ZNF506: variants seen among roughly 807,000 people sequenced by gnomAD.
ZNF506 encodes zinc finger protein 506.
A neutral mutation model predicts 11.6 loss-of-function variants in ZNF506; 10 were observed. That is an observed-to-expected ratio of 0.86 (90% CI 0.53 to 1.46). The LOEUF (loss-of-function observed/expected upper bound fraction) is 1.46, where lower values mean the gene tolerates loss of function less well. Ranked by LOEUF, ZNF506 falls within the 40% of genes most tolerant of loss-of-function variation. The probability of loss-of-function intolerance (pLI) is 0.00; values close to 1 mark genes in which losing one functional copy is unlikely to be tolerated. For synonymous variants in ZNF506, 156 were observed against 173.3 expected (o/e 0.90, Z 0.78); for missense variants, 425 against 521.2 (o/e 0.82, Z 1.80).
chr19:19,792,766 A>AC lies in ZNF506; in HGVS notation c.*1785_*1786insG, dbSNP rs1555769928. The stretch of plus-strand genomic sequence containing the variant: ...ATTCATTATAATTTTTGAAAAAAAA[A>AC]GTTTTAAAATGGTCTGCCAACATGT... On this transcript the variant is annotated 3_prime_UTR_variant, in exon 4 of 4. Transcript: ENST00000540806. Among the ~76,000 whole-genome samples, 8 of 151,186 alleles carry AC rather than the reference A, an allele frequency of 5.3e-5. No individual in the cohort carries two copies. The highest frequency in any genetic ancestry group is 8.9e-5 in the Non-Finnish European group (6 of 67,768).
At chr19:19,807,907 T>C (rs1459551840) in intron 1 of ZNF506, among the ~76,000 whole-genome samples, 2 of 151,970 alleles carry the variant, frequency 1.3e-5, no homozygotes, top group Non-Finnish European at 2.9e-5. Context: ...GCCTGTGTTT[T>C]CCCCCACATT....
intron 1 of ZNF506, among the ~76,000 whole-genome samples, chr19:19,821,279 A>G (rs1778359610): frequency 6.6e-6 from 1 of 152,136 alleles, no homozygotes; most frequent in South Asian, 2.1e-4. Flanking sequence ...CCGCACCCCG[A>G]GTCAGGATTC....
intron 1 of ZNF506, among the ~76,000 whole-genome samples, chr19:19,817,303 A>C (rs1422321002): frequency 1.4e-5 from 2 of 142,846 alleles, no homozygotes; most frequent in Non-Finnish European, 3.0e-5. Context: ...CTCCTTTCTA[A>C]TCTTGTTTGC....
At chr19:19,820,610 C>G (rs962271749) in intron 1 of ZNF506, 3 of 152,160 alleles carry the variant, frequency 2.0e-5, no homozygotes, top group African/African-American at 7.2e-5. Flanking sequence ...AGGAGAATGG[C>G]GTGAACCCAG....
Position 19,795,034 on chromosome 19 carries a change from ATGGTTTCTCTCC to A in ZNF506, c.841_852del (p.Gly281_Pro284del), listed in dbSNP as rs769516381. On this transcript the variant is annotated inframe_deletion, in exon 4 of 4. Coordinates refer to ENST00000540806, the MANE Select transcript of ZNF506 (RefSeq NM_001099269.3). ...GCTTTGCCACATTTATCACACTTGT[ATGGTTTCTCTCC>A]AGTATGAATTTTCTTATGTGAAAAA... 7 of 1,606,444 alleles carry A rather than the reference ATGGTTTCTCTCC, an allele frequency of 4.4e-6. No individual in the cohort carries two copies. In the East Asian group the frequency reaches 8.9e-5, roughly 20 times the overall value.
intron 1 of ZNF506, among the ~76,000 whole-genome samples, chr19:19,808,387 T>C (rs963164053): frequency 6.6e-6 from 1 of 150,774 alleles, no homozygotes; most frequent in Non-Finnish European, 1.5e-5. Flanking sequence ...CCTCCCAAAG[T>C]GCTGGGATTA....
intron 3 of ZNF506, chr19:19,799,272 T>C (rs1489496103): frequency 2.0e-5 from 8 of 405,500 alleles, no homozygotes; most frequent in Non-Finnish European, 3.5e-5. Context: ...AGTAGGATAT[T>C]TCAATACCCC....
At chr19:19,808,569 G>A (rs1249116821) in intron 1 of ZNF506, among the ~76,000 whole-genome samples, 1 of 150,778 alleles carries the variant, frequency 6.6e-6, no homozygotes, top group Non-Finnish European at 1.5e-5. Flanking sequence ...TTTTAGGCCA[G>A]GCGCAGTGAC....
At chr19:19,796,641 G>A (rs949454369) in intron 3 of ZNF506, 1 of 152,090 alleles carries the variant, frequency 6.6e-6, no homozygotes, top group Non-Finnish European at 1.5e-5. Context: ...CTGACCTCGT[G>A]ATCCGCCCGC....
rs1468689931 is a variant in ZNF506, at chr19:19,795,336, T to C, written c.551A>G (p.Gln184Arg). The C allele has an allele frequency of 1.9e-6, 3 of 1,613,452 alleles. No homozygotes were observed. In the South Asian group the frequency reaches 3.3e-5, roughly 18 times the overall value. The change falls in exon 4 of 4, where the codon CAG becomes CGG. Residue 184 changes from glutamine (Q) to arginine (R), a missense_variant. By Grantham distance (43) the Gln-to-Arg change is conservative. This residue lies in a region of ZNF506 where 226 missense variants were observed against 279.1 expected (regional missense o/e 0.81). Coordinates refer to ENST00000540806, the MANE Select transcript of ZNF506 (RefSeq NM_001099269.3). ...CTTATATGTAGTACGGGTTGAAGAC[T>C]GGTTAAAAGTTTTCCCATATTCTAT... ...KCIEYGKTFN[Q>R]SSTRTTYKKI... is the part of the protein sequence containing the mutation.
At chr19:19,808,241 A>C (rs918898438) in intron 1 of ZNF506, among the ~76,000 whole-genome samples, 1 of 145,416 alleles carries the variant, frequency 6.9e-6, no homozygotes, top group African/African-American at 2.6e-5. Context: ...CTCCTGCCTC[A>C]GCCTCCCGAG....
chr19:19,817,585 T>A (rs2062943402), intron 1 of ZNF506, among the ~76,000 whole-genome samples: 1 of 152,132 alleles, frequency 6.6e-6, no homozygotes, highest in Non-Finnish European at 1.5e-5. Context: ...TCTCTCAGAA[T>A]AAAGGCTTCT....
In ZNF506 at chr19:19,805,943, C is replaced by T. The variant is rs546634940; in HGVS notation, c.226+88G>A. The T allele has an allele frequency of 6.8e-5, 79 of 1,158,530 alleles. No homozygotes were observed. The Middle Eastern group carries it at 1.2e-3, about 18-fold the overall frequency. The allele number at this position is 1,158,530 out of a possible 1,614,324, so 71.8% of individuals were successfully genotyped here. ...ACTATTTCCTTGGGAACACAGCTTC[C>T]CAAATCACATTTTAAGGACTCGCTT... is the stretch of plus-strand genomic sequence containing the variant. On this transcript the variant is annotated intron_variant, in intron 3 of 3. Coordinates refer to ENST00000540806, the MANE Select transcript of ZNF506 (RefSeq NM_001099269.3).
At chr19:19,817,505 TCA>T (rs762681403) in intron 1 of ZNF506, among the ~76,000 whole-genome samples, 22 of 151,952 alleles carry the variant, frequency 1.4e-4, no homozygotes, top group Non-Finnish European at 1.5e-4. Context: ...TAAGACTCTC[TCA>T]GTTTCCTTTC....
At chr19:19,800,449 C>T (rs1382371726) in intron 3 of ZNF506, among the ~76,000 whole-genome samples, 1 of 133,296 alleles carries the variant, frequency 7.5e-6, no homozygotes, top group African/African-American at 2.7e-5. Context: ...TGGAGTCTCA[C>T]TCTGTCTCCG....
At chr19:19,818,106 G>A (rs2062947229) in intron 1 of ZNF506, among the ~76,000 whole-genome samples, 1 of 152,116 alleles carries the variant, frequency 6.6e-6, no homozygotes, top group Non-Finnish European at 1.5e-5. Context: ...GGGATTACAG[G>A]CATGAGCCAC....
chr19:19,809,102 T>A (rs1339740496), intron 1 of ZNF506, among the ~76,000 whole-genome samples: 2 of 152,196 alleles, frequency 1.3e-5, no homozygotes, highest in African/African-American at 4.8e-5. Flanking sequence ...TTCTCCATCT[T>A]TACTAAGGAC....
intron 3 of ZNF506, among the ~76,000 whole-genome samples, chr19:19,805,736 G>A (rs1314395007): frequency 6.6e-6 from 1 of 152,130 alleles, no homozygotes; most frequent in Non-Finnish European, 1.5e-5. Flanking sequence ...AAAACAGCCA[G>A]ATTGTGCAGT....
chr19:19,812,557 G>A (rs903302848), intron 1 of ZNF506, among the ~76,000 whole-genome samples: 2 of 152,144 alleles, frequency 1.3e-5, no homozygotes, highest in Non-Finnish European at 2.9e-5. Flanking sequence ...TTTCCTCCTG[G>A]AGCCTCTGAC....
Sources: allele counts gnomAD v4.1 joint callset (sites outside exome capture counted in the v4.1 genomes callset), GRCh38; gene constraint gnomAD v4.1.1; regional missense constraint gnomAD v4.1.1; transcripts MANE v1.5; gene names NCBI Gene and HGNC (gene_info 2026-07-23, HGNC 2026-07-21).